ABCB4: variants seen among roughly 807,000 people sequenced by gnomAD.
ABCB4 encodes the protein ATP binding cassette subfamily B member 4.
In ABCB4, 76 loss-of-function variants were observed where a neutral mutation model predicts 145.7. The observed-to-expected ratio is 0.52, with a 90% confidence interval of 0.43 to 0.63. The LOEUF (loss-of-function observed/expected upper bound fraction) is 0.63. Among genes scored for constraint, ABCB4 ranks in the 30% least tolerant of loss-of-function variants. ABCB4 has a pLI of 0.00. For missense variants in ABCB4, 1,234 were observed against 1,553.1 expected (o/e 0.79, Z 3.45); for synonymous variants, 517 against 566.8 (o/e 0.91, Z 1.25).
At chr7:87,414,455 G>A (rs990974863) in intron 21 of ABCB4, among the ~76,000 whole-genome samples, 11 of 152,226 alleles carry the variant, frequency 7.2e-5, no homozygotes, top group African/African-American at 2.7e-4. Context: ...CACACAAACT[G>A]CCTGTATTTC....
intron 14 of ABCB4, among the ~76,000 whole-genome samples, chr7:87,435,165 C>A (rs951144391): frequency 1.3e-5 from 2 of 152,166 alleles, no homozygotes; most frequent in African/African-American, 4.8e-5. Context: ...GAGTGACTGG[C>A]TAACTGATTG....
At chr7:87,418,432 T>A (rs1413555080) in intron 20 of ABCB4, 105 bp downstream of exon 20, 1 of 1,079,642 alleles carries the variant, frequency 9.3e-7, no homozygotes, top group Non-Finnish European at 1.4e-6. Flanking sequence ...GATTTGAGCT[T>A]TCTGCTATTT....
At chr7:87,447,320 G>A in intron 8 of ABCB4, 115 bp from the exon 9 acceptor site, 1 of 1,022,970 alleles carries the variant, frequency 9.8e-7, no homozygotes, top group Non-Finnish European at 1.5e-6. Context: ...TCAAGGTAAT[G>A]AACCCATGGT....
At chr7:87,445,744 A>G (rs1423023539) in intron 9 of ABCB4, among the ~76,000 whole-genome samples, 1 of 152,252 alleles carries the variant, frequency 6.6e-6, no homozygotes, top group Non-Finnish European at 1.5e-5. Flanking sequence ...TATCAGTTAA[A>G]TATCTATCCC....
At chr7:87,467,059 T>G (rs1055532204) in intron 3 of ABCB4, among the ~76,000 whole-genome samples, 1 of 152,150 alleles carries the variant, frequency 6.6e-6, no homozygotes, top group Non-Finnish European at 1.5e-5. Context: ...ATATTAACCT[T>G]AAATTTAAAT....
At chr7:87,424,744 T>A (rs2116540931) in intron 16 of ABCB4, among the ~76,000 whole-genome samples, 1 of 152,326 alleles carries the variant, frequency 6.6e-6, no homozygotes, top group Admixed American at 6.5e-5. Context: ...TAACTTTTTT[T>A]AAGGTAAAGA....
At chr7:87,451,113 A>G (rs1250888516) in intron 7 of ABCB4, among the ~76,000 whole-genome samples, 1 of 151,960 alleles carries the variant, frequency 6.6e-6, no homozygotes, top group Non-Finnish European at 1.5e-5. Context: ...TTCCTTAACT[A>G]AGGGTAATCG....
At chr7:87,397,702 A>G (rs1668061312), downstream of ABCB4, among the ~76,000 whole-genome samples, 1 of 152,024 alleles carries the variant, frequency 6.6e-6, no homozygotes, top group Non-Finnish European at 1.5e-5. Context: ...AATATAATCC[A>G]CTCAGACATT....
rs78521349 is a variant in ABCB4, at chr7:87,427,425, G to A, written c.1894-505C>T. ...AGTCCTGCTCTCATGCACACAACGA[G>A]ACCCAACATGCAGGCTCAGCCTCAT... is the stretch of plus-strand genomic sequence containing the variant. On this transcript the variant is annotated intron_variant, in intron 15 of 27. Transcript: ENST00000649586. Among the ~76,000 whole-genome samples, 29 of 152,236 alleles carry A rather than the reference G, an allele frequency of 1.9e-4. No individual in the cohort carries two copies. In the East Asian group the frequency reaches 5.0e-3, roughly 26 times the overall value.
At chr7:87,440,771 T>A (rs754744846) in intron 12 of ABCB4, among the ~76,000 whole-genome samples, 10 of 152,160 alleles carry the variant, frequency 6.6e-5, no homozygotes, top group Non-Finnish European at 1.5e-4. Context: ...AAATGGAGTC[T>A]CGCTCTGTCG....
the ABCB4 span, among the ~76,000 whole-genome samples, chr7:87,386,807 T>C: frequency 6.6e-6 from 1 of 152,172 alleles, no homozygotes. Context: ...GAGTGATCAC[T>C]GAGTTTTGTT....
chr7:87,451,493 C>G, intron 7 of ABCB4, 130 bp downstream of exon 7: 1 of 944,050 alleles, frequency 1.1e-6, no homozygotes. Context: ...ATATTAACAC[C>G]ATGTTACTGG....
At chr7:87,429,160 T>C (rs1810034941) in intron 15 of ABCB4, among the ~76,000 whole-genome samples, 1 of 152,248 alleles carries the variant, frequency 6.6e-6, no homozygotes, top group South Asian at 2.1e-4. Context: ...CTTTCCCTCA[T>C]CTCTCCAGCC....
In ABCB4 at chr7:87,403,201, G is replaced by C; in HGVS notation, c.3567C>G (p.Leu1189=). Residue 1189 remains leucine, a synonymous_variant, in exon 27 of 28, where the codon CTC becomes CTG. Coordinates refer to ENST00000649586, the MANE Select transcript of ABCB4 (RefSeq NM_000443.4). The part of the protein sequence containing the change: ...QKQRIAIARA[L]IRQPQILLLD... ...ACAGGAGGATTTGAGGTTGTCTGAT[G>C]AGGGCTCGGGCAATAGCAATCCTCT... 1 of 1,613,994 alleles carries C rather than the reference G, an allele frequency of 6.2e-7. No individual in the cohort carries two copies. Among genetic ancestry groups the C allele is most frequent in the African/African-American group, 1.3e-5 (1 of 75,016 alleles).
the ABCB4 span, among the ~76,000 whole-genome samples, chr7:87,386,647 A>G: frequency 6.6e-6 from 1 of 152,064 alleles, no homozygotes; most frequent in Non-Finnish European, 1.5e-5. Context: ...ACTGTTGTGG[A>G]CTTGGAGTGT....
the ABCB4 span, among the ~76,000 whole-genome samples, chr7:87,384,412 C>T: frequency 1.3e-5 from 2 of 152,070 alleles, no homozygotes; most frequent in Non-Finnish European, 2.9e-5. Context: ...CATATCTGTA[C>T]CTCTACCTAC....
chr7:87,444,312 G>A (rs1440094794), intron 10 of ABCB4, among the ~76,000 whole-genome samples: 1 of 152,190 alleles, frequency 6.6e-6, no homozygotes, highest in East Asian at 1.9e-4. Context: ...TAGATTAAAT[G>A]ATCAAATTTC....
intron 8 of ABCB4, among the ~76,000 whole-genome samples, 181 bp from the exon 9 acceptor site, chr7:87,447,386 A>G (rs2116755136): frequency 6.6e-6 from 1 of 152,314 alleles, no homozygotes; most frequent in Admixed American, 6.5e-5. Context: ...CCTAGAACAG[A>G]TCCAAGCCTT....
intron 15 of ABCB4, among the ~76,000 whole-genome samples, chr7:87,430,868 C>T (rs1011796742): frequency 6.6e-6 from 1 of 152,100 alleles, no homozygotes; most frequent in Non-Finnish European, 1.5e-5. Context: ...CTTCCTAGAG[C>T]CACAAATCTT....
Sources: allele counts gnomAD v4.1 joint callset (sites outside exome capture counted in the v4.1 genomes callset), GRCh38; gene constraint gnomAD v4.1.1; transcripts MANE v1.5; gene names NCBI Gene and HGNC (gene_info 2026-07-23, HGNC 2026-07-21).